Variants in PARD3B observed in about 807,000 individuals in gnomAD.
PARD3B encodes partitioning defective 3 homolog B.
Under a neutral mutation model 130.2 loss-of-function variants are expected in PARD3B, and 103 were observed. That is an observed-to-expected ratio of 0.79 (90% confidence interval 0.67 to 0.93). The LOEUF (loss-of-function observed/expected upper bound fraction) is 0.93, where lower values mean the gene tolerates loss of function less well. PARD3B is among the 40% of genes least tolerant of loss of function. The pLI is 0.00. For missense variants in PARD3B, 1,609 were observed against 1,499.2 expected, an observed-to-expected ratio of 1.07 and a Z score of -1.21; for synonymous variants, 583 against 553.2, an observed-to-expected ratio of 1.05 and a Z score of -0.76.
At chr2:204,710,654 G>T (rs1246570998) in intron 2 of PARD3B, among the ~76,000 whole-genome samples, 1 of 152,138 alleles carries the variant, frequency 6.6e-6, no homozygotes, top group African/African-American at 2.4e-5. Flanking sequence ...CTAAAGAGTT[G>T]CACCTGCTTC....
intron 2 of PARD3B, among the ~76,000 whole-genome samples, chr2:204,864,405 C>G (rs182035939): frequency 1.3e-5 from 2 of 152,292 alleles, no homozygotes; most frequent in East Asian, 3.9e-4. Context: ...CCTTTTGACT[C>G]AGCATGTCCC....
chr2:205,396,537 A>G (rs2046036785), intron 18 of PARD3B, among the ~76,000 whole-genome samples: 1 of 152,234 alleles, frequency 6.6e-6, no homozygotes, highest in African/African-American at 2.4e-5. Flanking sequence ...ATGAACATCT[A>G]AATTTACATA....
At chr2:205,359,148 A>G (rs10490293) in intron 18 of PARD3B, among the ~76,000 whole-genome samples, 91,280 of 152,072 alleles carry the variant, frequency 0.6, 30,638 homozygotes, top group South Asian at 0.77. Context: ...CAATTCTCTC[A>G]AGGTTTCCAT....
intron 1 of PARD3B, among the ~76,000 whole-genome samples, chr2:204,584,817 C>A (rs532182338): frequency 6.6e-6 from 1 of 152,282 alleles, no homozygotes; most frequent in South Asian, 2.1e-4. Flanking sequence ...AGCTCAGGGC[C>A]CAGAAACCAC....
intron 4 of PARD3B, among the ~76,000 whole-genome samples, chr2:205,064,773 GGGTA>G (rs1445617728): frequency 1.3e-5 from 2 of 152,138 alleles, no homozygotes; most frequent in African/African-American, 4.8e-5. Flanking sequence ...TTTAAAGAAA[GGGTA>G]GACATTTGAT....
intron 21 of PARD3B, among the ~76,000 whole-genome samples, chr2:205,533,710 A>G (rs1267067008): frequency 4.6e-5 from 7 of 152,146 alleles, no homozygotes; most frequent in Non-Finnish European, 8.8e-5. Flanking sequence ...TTAACATTCA[A>G]TGGTTTTGGG....
chr2:204,725,953 T>C (rs1424195631), intron 2 of PARD3B, among the ~76,000 whole-genome samples: 3 of 152,106 alleles, frequency 2.0e-5, no homozygotes, highest in African/African-American at 7.2e-5. Context: ...ACTAGCTCAG[T>C]TGGAAGAAAA....
At chr2:204,585,308 C>T (rs1559170146) in intron 1 of PARD3B, among the ~76,000 whole-genome samples, 3 of 152,086 alleles carry the variant, frequency 2.0e-5, no homozygotes, top group African/African-American at 7.2e-5. Flanking sequence ...GAGCAGAACT[C>T]CATTTGGACA....
chr2:205,189,726 G>A (rs775864824), intron 14 of PARD3B, among the ~76,000 whole-genome samples: 2 of 151,944 alleles, frequency 1.3e-5, no homozygotes, highest in Admixed American at 1.3e-4. Flanking sequence ...AACTCAATAC[G>A]GCACTCACTC....
intron 5 of PARD3B, among the ~76,000 whole-genome samples, chr2:205,104,823 G>A (rs1240566776): frequency 6.6e-6 from 1 of 152,106 alleles, no homozygotes; most frequent in Non-Finnish European, 1.5e-5. Flanking sequence ...TCATTGTGGT[G>A]GTTTTACTTT....
At chr2:204,813,688 A>G (rs148471149) in intron 2 of PARD3B, among the ~76,000 whole-genome samples, 6 of 152,196 alleles carry the variant, frequency 3.9e-5, no homozygotes, top group African/African-American at 1.4e-4. Flanking sequence ...TAATTTTTCT[A>G]TAAAGAGTGA....
intron 7 of PARD3B, among the ~76,000 whole-genome samples, 162 bp downstream of exon 7, chr2:205,119,208 T>C (rs1445310438): frequency 1.3e-5 from 2 of 152,160 alleles, no homozygotes; most frequent in Non-Finnish European, 2.9e-5. Context: ...TTTAGCCTAC[T>C]CAAAGGTGGC....
chr2:204,860,527 C>G (rs75161850), intron 2 of PARD3B, among the ~76,000 whole-genome samples: 2,635 of 152,274 alleles, frequency 0.017, 79 homozygotes, highest in African/African-American at 0.059. Context: ...AGAAAGAAGA[C>G]GACAACTTCT....
intron 18 of PARD3B, among the ~76,000 whole-genome samples, chr2:205,331,456 GC>G (rs1257380074): frequency 1.1e-4 from 17 of 152,046 alleles, no homozygotes; most frequent in African/African-American, 3.4e-4. Flanking sequence ...GTTCTCACAG[GC>G]CCTTTCCACC....
chr2:205,097,474 C>T (rs980441692), intron 4 of PARD3B, among the ~76,000 whole-genome samples: 5 of 152,140 alleles, frequency 3.3e-5, no homozygotes, highest in African/African-American at 7.2e-5. Flanking sequence ...CACCATCCTT[C>T]CCGGCTTAGT....
At chr2:204,645,333 T>C (rs979554754) in intron 1 of PARD3B, among the ~76,000 whole-genome samples, 1 of 152,216 alleles carries the variant, frequency 6.6e-6, no homozygotes, top group African/African-American at 2.4e-5. Context: ...TTGACAGTTC[T>C]GTGCAGAATT....
intron 19 of PARD3B, among the ~76,000 whole-genome samples, chr2:205,426,963 A>G (rs779401347): frequency 2.0e-5 from 3 of 152,264 alleles, no homozygotes; most frequent in Non-Finnish European, 2.9e-5. Context: ...TCAGCAAAAG[A>G]TATGGACAGC....
intron 16 of PARD3B, among the ~76,000 whole-genome samples, chr2:205,249,420 G>A (rs1190271942): frequency 5.3e-5 from 8 of 152,034 alleles, no homozygotes; most frequent in Non-Finnish European, 8.8e-5. Context: ...GCTATTTCGT[G>A]CCAAGTTCCA....
intron 1 of PARD3B, among the ~76,000 whole-genome samples, chr2:204,682,656 C>T (rs1343209908): frequency 2.6e-5 from 4 of 152,170 alleles, no homozygotes; most frequent in East Asian, 3.9e-4. Flanking sequence ...CTCCAAAAAT[C>T]GGCTTTTCCT....
Sources: allele counts gnomAD v4.1 joint callset (sites outside exome capture counted in the v4.1 genomes callset), GRCh38; gene constraint gnomAD v4.1.1; transcripts MANE v1.5; gene names NCBI Gene and HGNC (gene_info 2026-07-23, HGNC 2026-07-21).